SNRPN: variants seen among roughly 807,000 people sequenced by gnomAD.
The protein encoded by SNRPN is small nuclear ribonucleoprotein-associated protein N.
SNRPN carries 7 observed loss-of-function variants against 25.2 expected under a neutral mutation model. The observed-to-expected ratio is 0.28, with a 90% CI of 0.16 to 0.52. The LOEUF (loss-of-function observed/expected upper bound fraction) is 0.52, where lower values mean the gene tolerates loss of function less well. SNRPN is among the 20% of genes least tolerant of loss of function. SNRPN has a pLI of 0.96. For synonymous variants in SNRPN, 124 were observed against 110.6 expected (o/e 1.12, Z -0.76); for missense variants, 196 against 322.5 (o/e 0.61, Z 3.00).
At chr15:24,836,835 G>A (rs2051242994) in intron 2 of SNRPN, among the ~76,000 whole-genome samples, 4 of 152,164 alleles carry the variant, frequency 2.6e-5, no homozygotes, top group Admixed American at 6.5e-5. Flanking sequence ...GAGGACAAAA[G>A]GGTATGATCT....
At chr15:24,888,222 C>T (rs1342316873) in intron 2 of SNRPN, among the ~76,000 whole-genome samples, 1 of 151,338 alleles carries the variant, frequency 6.6e-6, no homozygotes, top group Non-Finnish European at 1.5e-5. Context: ...GATTCTCCTG[C>T]CTCAGCCTCC....
chr15:24,962,341 T>TA (rs1234790232), intron 2 of SNRPN, 132 bp downstream of exon 2: 3 of 737,600 alleles, frequency 4.1e-6, no homozygotes, highest in Non-Finnish European at 7.1e-6. Context: ...GAAGATGTAG[T>TA]AAAAAAGCAA....
At chr15:24,909,859 C>T in intron 2 of SNRPN, 1 of 835,790 alleles carries the variant, frequency 1.2e-6, no homozygotes, top group Middle Eastern at 3.6e-4. Context: ...CACAGCTCAA[C>T]AGAGACCAGC....
chr15:24,913,264 T>C (rs1283769287), intron 2 of SNRPN, among the ~76,000 whole-genome samples: 1 of 152,078 alleles, frequency 6.6e-6, no homozygotes, highest in Non-Finnish European at 1.5e-5. Context: ...CTAATAGCAG[T>C]ACAACGGACT....
At chr15:24,964,353 G>T (rs1400299970) in intron 2 of SNRPN, among the ~76,000 whole-genome samples, 4 of 151,838 alleles carry the variant, frequency 2.6e-5, no homozygotes, top group African/African-American at 7.3e-5. Flanking sequence ...TTTTGCTCTT[G>T]TTGCCCAGGA....
intron 2 of SNRPN, among the ~76,000 whole-genome samples, chr15:24,835,504 A>G (rs531679808): frequency 6.6e-6 from 1 of 152,064 alleles, no homozygotes; most frequent in Non-Finnish European, 1.5e-5. Flanking sequence ...CAGTATTGCC[A>G]TTCACTGGAA....
chr15:24,859,075 C>T (rs998196880), intron 1 of SNRPN, among the ~76,000 whole-genome samples: 2 of 152,028 alleles, frequency 1.3e-5, no homozygotes, highest in Non-Finnish European at 2.9e-5. Context: ...GTCTAGCCAA[C>T]CAGGATTAGT....
At chr15:24,840,080 G>T (rs958674364) in intron 2 of SNRPN, among the ~76,000 whole-genome samples, 1 of 152,152 alleles carries the variant, frequency 6.6e-6, no homozygotes, top group Non-Finnish European at 1.5e-5. Context: ...GATATAGGCC[G>T]GGCGTGGTGG....
At chr15:24,941,911 T>C (rs1170896838) in intron 3 of SNRPN, among the ~76,000 whole-genome samples, 2 of 152,170 alleles carry the variant, frequency 1.3e-5, no homozygotes, top group East Asian at 1.9e-4. Flanking sequence ...TCCCCAGTAG[T>C]TGGGATTACA....
upstream of SNRPN, chr15:24,954,954 T>A (rs2062590133): frequency 1.3e-6 from 2 of 1,570,794 alleles, no homozygotes; most frequent in South Asian, 1.1e-5. Flanking sequence ...CGGGGATGTG[T>A]GCGAAGCCTG....
chr15:24,910,608 A>G (rs1189726759), intron 2 of SNRPN, among the ~76,000 whole-genome samples: 1 of 151,752 alleles, frequency 6.6e-6, no homozygotes, highest in Non-Finnish European at 1.5e-5. Context: ...GATTCTCCTG[A>G]CTCAGCCTCC....
chr15:24,962,014 A>C (rs1341165193), intron 1 of SNRPN, 100 bp from the exon 2 acceptor site: 29 of 1,013,578 alleles, frequency 2.9e-5, no homozygotes, highest in Non-Finnish European at 4.2e-5. Flanking sequence ...AGATTTAAAA[A>C]TCCATTATAT....
intron 1 of SNRPN, among the ~76,000 whole-genome samples, chr15:24,875,728 A>G (rs2149169610): frequency 6.6e-6 from 1 of 152,254 alleles, no homozygotes; most frequent in Middle Eastern, 3.4e-3. Context: ...AGAAAGGCCT[A>G]GGCAACATAG....
At chr15:24,932,965 T>C (rs2060974832) in intron 3 of SNRPN, among the ~76,000 whole-genome samples, 1 of 152,128 alleles carries the variant, frequency 6.6e-6, no homozygotes, top group Non-Finnish European at 1.5e-5. Context: ...GTAATCTTGA[T>C]TGAAAGTTTA....
At position 24,957,737 on chromosome 15, in the gene SNRPN, C is replaced by CT. The variant is rs145539244; in HGVS notation, c.-391+2683dup. 9.2e-3 allele frequency among the ~76,000 whole-genome samples: 1,391 copies of CT among 151,956 alleles called. 22 individuals carry two copies. Among genetic ancestry groups the CT allele is most frequent in the African/African-American group, 0.031 (1,303 of 41,458 alleles). ...TTTTATATGATATTTATAATTTACC[C>CT]TTTTTTTTCTGCTTGCATGAAGATA... On this transcript the variant is annotated intron_variant, in intron 1 of 9. Transcript: ENST00000390687.
intron 6 of SNRPN, 107 bp downstream of exon 6, chr15:24,976,523 A>G: frequency 1.2e-6 from 1 of 818,832 alleles, no homozygotes; most frequent in Admixed American, 2.8e-5. Flanking sequence ...TGGATTGTCA[A>G]ATAAAATGTG....
chr15:24,824,320 G>C (rs754742526), intron 1 of SNRPN, among the ~76,000 whole-genome samples: 16 of 152,220 alleles, frequency 1.1e-4, no homozygotes, highest in Non-Finnish European at 2.1e-4. Flanking sequence ...TGCAGAGACA[G>C]CTACTTTGCT....
At chr15:24,936,530 G>A (rs992056129) in intron 3 of SNRPN, among the ~76,000 whole-genome samples, 2 of 152,126 alleles carry the variant, frequency 1.3e-5, no homozygotes, top group Non-Finnish European at 2.9e-5. Context: ...ACCCGAGCCT[G>A]GGTAATTTAT....
intron 3 of SNRPN, among the ~76,000 whole-genome samples, chr15:24,947,484 C>G (rs1596083482): frequency 6.6e-6 from 1 of 152,274 alleles, no homozygotes; most frequent in East Asian, 1.9e-4. Flanking sequence ...CAAAAATTAG[C>G]TGGGCATGGT....
Sources: allele counts gnomAD v4.1 joint callset (sites outside exome capture counted in the v4.1 genomes callset), GRCh38; gene constraint gnomAD v4.1.1; transcripts MANE v1.5; gene names NCBI Gene and HGNC (gene_info 2026-07-23, HGNC 2026-07-21).